Variants in NF1 observed in about 807,000 individuals in gnomAD.
NF1 encodes neurofibromin.
In NF1, 122 loss-of-function variants were observed where a neutral mutation model predicts 325.7. The observed-to-expected ratio is 0.37, with a 90% confidence interval of 0.32 to 0.44. The LOEUF (loss-of-function observed/expected upper bound fraction) is 0.44. NF1 is among the 20% of genes least tolerant of loss of function. The pLI is 1.00. For synonymous variants in NF1, 1,091 were observed against 1,186.0 expected (o/e 0.92, Z 1.65); for missense variants, 2,140 against 3,415.4 (o/e 0.63, Z 9.31).
intron 57 of NF1, among the ~76,000 whole-genome samples, chr17:31,369,304 C>G (rs1361683489): frequency 6.6e-6 from 1 of 152,136 alleles, no homozygotes; most frequent in African/African-American, 2.4e-5. Flanking sequence ...AATCCTTTTC[C>G]CCAGCTACTC....
intron 25 of NF1, 68 bp downstream of exon 25, chr17:31,232,257 A>G (rs1403640906): frequency 6.5e-5 from 62 of 957,186 alleles, no homozygotes; most frequent in Non-Finnish European, 6.9e-6. Flanking sequence ...CAAAAAAAGC[A>G]AAGAAATAAT....
chr17:31,197,792 A>G (rs771883202), intron 8 of NF1, among the ~76,000 whole-genome samples: 8 of 152,196 alleles, frequency 5.3e-5, no homozygotes, highest in Non-Finnish European at 1.0e-4. Flanking sequence ...TGAATTTTCC[A>G]TCTTTTTCTT....
intron 5 of NF1, among the ~76,000 whole-genome samples, chr17:31,178,145 G>T (rs538782062): frequency 3.3e-5 from 5 of 152,332 alleles, no homozygotes; most frequent in Non-Finnish European, 7.3e-5. Flanking sequence ...ACAAAGGGAA[G>T]CCCATCAGAC....
At chr17:31,097,837 C>T (rs899778951) in intron 1 of NF1, among the ~76,000 whole-genome samples, 3 of 152,084 alleles carry the variant, frequency 2.0e-5, no homozygotes, top group African/African-American at 7.2e-5. Flanking sequence ...GCTGGGATTA[C>T]AGGTGTGCAC....
chr17:31,235,910 T>G lies in NF1; in HGVS notation c.3871-8T>G. 1 of 1,612,416 alleles carries G rather than the reference T, an allele frequency of 6.2e-7. No individual in the cohort carries two copies. Among genetic ancestry groups the G allele is most frequent in the Non-Finnish European group, 8.5e-7 (1 of 1,178,408 alleles). On this transcript the variant is annotated splice_polypyrimidine_tract_variant and splice_region_variant and intron_variant, in intron 28 of 57. Coordinates refer to ENST00000358273, the MANE Select transcript of NF1 (RefSeq NM_001042492.3). ...GTATAATAAACTCCTATTCGTGCAT[T>G]TCTGTAGGTATATGGTGCTACCTAT...
intron 36 of NF1, among the ~76,000 whole-genome samples, chr17:31,273,046 T>C (rs1171970607): frequency 2.0e-5 from 3 of 152,114 alleles, no homozygotes; most frequent in Non-Finnish European, 2.9e-5. Context: ...AATAAAACTC[T>C]AGACATTCAA....
Position 31,214,723 on chromosome 17 carries a change from C to T in NF1, c.1527+138C>T, listed in dbSNP as rs956467176. 6.6e-5 allele frequency: 47 copies of T among 708,036 alleles called. No homozygotes were observed. In the East Asian group the frequency reaches 1.0e-3, roughly 15 times the overall value. The allele number at this position is 708,036 out of a possible 1,614,324, so 43.9% of individuals were successfully genotyped here. On this transcript the variant is annotated intron_variant, in intron 13 of 57. Transcript: ENST00000358273. ...TTCTGATCATACCTGAAAACTAAGA[C>T]GTCTCTAAGAAAACTAATGTATAAT...
At position 31,095,300 on chromosome 17, in the gene NF1, C is replaced by T. The variant is rs1208094402; in HGVS notation, c.-10C>T. 1 of 1,536,592 alleles carries T rather than the reference C, an allele frequency of 6.5e-7. No individual in the cohort carries two copies. The highest frequency in any genetic ancestry group is 8.7e-7 in the Non-Finnish European group (1 of 1,146,056). ...CCTTCCCTCCGCCGCCCCCCGGCCGCGGGGAGGACATGGCCGCGCACAGGC... is the reference window on the plus strand; with the variant it reads ...CCTTCCCTCCGCCGCCCCCCGGCCGTGGGGAGGACATGGCCGCGCACAGGC... On this transcript the variant is annotated 5_prime_UTR_variant, in exon 1 of 58. Coordinates refer to ENST00000358273, the MANE Select transcript of NF1 (RefSeq NM_001042492.3).
chr17:31,275,614 C>T (rs2067991686), intron 36 of NF1, among the ~76,000 whole-genome samples: 1 of 152,148 alleles, frequency 6.6e-6, no homozygotes. Flanking sequence ...TCAGGTATCC[C>T]TGAGGGGTCT....
rs111498285 is a variant in NF1, at chr17:31,307,604, T to C, written c.4836-18216T>C. ...TCCCATCTAACTACCTGTCTAACCA[T>C]GAGAACTAGTTGCTTAACCTTTCCT... is the stretch of plus-strand genomic sequence containing the variant. On this transcript the variant is annotated intron_variant, in intron 36 of 57. Transcript: ENST00000358273. Among the ~76,000 whole-genome samples the C allele has an allele frequency of 3.7e-3, 557 of 152,322 alleles. 6 individuals carry two copies. The highest frequency in any genetic ancestry group is 0.013 in the African/African-American group (529 of 41,584).
chr17:31,136,867 G>A (rs974174294), intron 1 of NF1: 12 of 152,142 alleles, frequency 7.9e-5, no homozygotes, highest in African/African-American at 2.7e-4. Flanking sequence ...ACTATCCCTG[G>A]ATTCAGGCAT....
chr17:31,245,642 C>T (rs1454866379), intron 29 of NF1, among the ~76,000 whole-genome samples: 2 of 152,020 alleles, frequency 1.3e-5, no homozygotes, highest in African/African-American at 4.8e-5. Flanking sequence ...AGATGAACAG[C>T]CAGATGGAAA....
intron 36 of NF1, among the ~76,000 whole-genome samples, chr17:31,265,623 A>C (rs2067772760): frequency 6.6e-6 from 1 of 152,016 alleles, no homozygotes; most frequent in African/African-American, 2.4e-5. Flanking sequence ...ACCCACAAAG[A>C]ATCTTTTGTT....
At chr17:31,206,183 C>T (rs780710974) in intron 11 of NF1, 57 bp from the exon 12 acceptor site, 56 of 1,590,914 alleles carry the variant, frequency 3.5e-5, no homozygotes, top group Non-Finnish European at 4.3e-5. Context: ...ATAAACAGAG[C>T]ATACAACTCA....
At chr17:31,335,105 G>T (rs2069611722) in intron 40 of NF1, 74 bp downstream of exon 40, 2 of 1,268,236 alleles carry the variant, frequency 1.6e-6, no homozygotes, top group South Asian at 1.2e-5. Context: ...ATTGGGCAAA[G>T]CACTGCGCTA....
intron 36 of NF1, among the ~76,000 whole-genome samples, chr17:31,293,178 C>CAAAAATAAAAAAAA (rs2068380701): frequency 1.5e-5 from 1 of 64,844 alleles, no homozygotes; most frequent in Non-Finnish European, 3.0e-5. Flanking sequence ...GACTTCGTCT[C>CAAAAATAAAAAAAA]AAAAAAAAAA....
chr17:31,185,512 T>C (rs534908100), intron 8 of NF1, among the ~76,000 whole-genome samples: 1 of 152,266 alleles, frequency 6.6e-6, no homozygotes, highest in Non-Finnish European at 1.5e-5. Context: ...TTAGGGACCT[T>C]CTACCTCAGT....
chr17:31,310,396 G>T (rs1223312594), intron 36 of NF1, among the ~76,000 whole-genome samples: 1 of 151,852 alleles, frequency 6.6e-6, no homozygotes, highest in Non-Finnish European at 1.5e-5. Context: ...CAAGAAGGCA[G>T]TGTAGATGAT....
At chr17:31,240,555 G>A (rs1354179507) in intron 29 of NF1, among the ~76,000 whole-genome samples, 1 of 152,150 alleles carries the variant, frequency 6.6e-6, no homozygotes, top group Non-Finnish European at 1.5e-5. Context: ...GTGCCGATAT[G>A]TCTTCAATAT....
Sources: gnomAD v4.1 joint callset for allele counts (sites outside exome capture counted in the v4.1 genomes callset) on GRCh38, gnomAD v4.1.1 for gene constraint, MANE v1.5 for transcripts, NCBI Gene and HGNC (gene_info 2026-07-23, HGNC 2026-07-21) for gene names.